The following ZC2HC1A variants were observed in gnomAD, a reference collection of about 807,000 sequenced individuals.
ZC2HC1A encodes the protein zinc finger C2HC-type containing 1A.
In ZC2HC1A, 28 loss-of-function variants were observed where a neutral mutation model predicts 40.7. The ratio of observed to expected loss-of-function variants is 0.69; its 90% confidence interval spans 0.51 to 0.94. ZC2HC1A has a LOEUF of 0.94. Among genes scored for constraint, ZC2HC1A ranks in the 40% least tolerant of loss-of-function variants. ZC2HC1A has a pLI of 0.00. For missense variants in ZC2HC1A, 389 were observed against 386.3 expected, an observed-to-expected ratio of 1.01 and a Z score of -0.06; for synonymous variants, 129 against 129.2, an observed-to-expected ratio of 1.00 and a Z score of 0.01.
At position 78,689,213 on chromosome 8, in the gene ZC2HC1A, C is replaced by T. The variant is rs751907524; in HGVS notation, c.353-9C>T. On this transcript the variant is annotated splice_polypyrimidine_tract_variant and intron_variant, in intron 4 of 8. Transcript: ENST00000263849. The stretch of plus-strand genomic sequence containing the variant: ...GCTATTAATCTGTTTCCGTTTTTAT[C>T]TGTTATAGATTATATTCAATGTCCA... 1.7e-5 allele frequency: 25 copies of T among 1,460,886 alleles called. No homozygotes were observed. In the Middle Eastern group the frequency reaches 7.3e-4, roughly 43 times the overall value. 90.5% of individuals were successfully genotyped at this position (1,460,886 alleles called of 1,614,324 possible).
Position 78,686,508 on chromosome 8 carries a change from T to G in ZC2HC1A, c.252T>G (p.His84Gln). ...PKKPSNWRRKHEEFIATIRAA... is the reference protein window; with the variant it reads ...PKKPSNWRRKQEEFIATIRAA... Reference sequence around the variant, plus strand: ...AACCATCTAATTGGAGAAGGAAACATGAAGAATTCATTGCTACCATAAGAG... The same window carrying G: ...AACCATCTAATTGGAGAAGGAAACAGGAAGAATTCATTGCTACCATAAGAG... The change falls in exon 4 of 9, where the codon CAT (histidine) becomes CAG (glutamine). Residue 84 changes from histidine (H) to glutamine (Q), a missense_variant. Coordinates refer to ENST00000263849, the MANE Select transcript of ZC2HC1A (RefSeq NM_016010.3). 2 of 1,545,928 alleles carry G rather than the reference T, an allele frequency of 1.3e-6. No individual in the cohort carries two copies. Among genetic ancestry groups the G allele is most frequent in the Non-Finnish European group, 1.7e-6 (2 of 1,145,800 alleles).
chr8:78,682,726 C>T (rs1321192653), intron 3 of ZC2HC1A, among the ~76,000 whole-genome samples: 1 of 152,124 alleles, frequency 6.6e-6, no homozygotes, highest in Non-Finnish European at 1.5e-5. Context: ...TCCCAACAGT[C>T]CCCCAAAGTC....
At chr8:78,671,266 A>C (rs982664252) in intron 1 of ZC2HC1A, among the ~76,000 whole-genome samples, 10 of 152,240 alleles carry the variant, frequency 6.6e-5, no homozygotes, top group Admixed American at 5.2e-4. Flanking sequence ...TGCAAAACAT[A>C]AGCAACTCAT....
intron 7 of ZC2HC1A, among the ~76,000 whole-genome samples, chr8:78,702,262 G>A (rs1313417599): frequency 2.0e-5 from 3 of 152,062 alleles, no homozygotes; most frequent in African/African-American, 7.2e-5. Context: ...GTGTATTGAG[G>A]TATTCATAAT....
intron 3 of ZC2HC1A, chr8:78,679,073 G>A (rs1809677163): frequency 6.5e-6 from 1 of 152,888 alleles, no homozygotes; most frequent in East Asian, 1.9e-4. Flanking sequence ...AAAAAGTTAA[G>A]CCATTATTTA....
At chr8:78,698,546 A>G (rs763885302) in intron 7 of ZC2HC1A, 33 bp downstream of exon 7, 1 of 1,432,172 alleles carries the variant, frequency 7.0e-7, no homozygotes, top group Non-Finnish European at 9.6e-7. Flanking sequence ...TATTAGTGGT[A>G]TATAATTAAA....
At chr8:78,689,083 A>G in intron 4 of ZC2HC1A, 139 bp from the exon 5 acceptor site, 1 of 457,290 alleles carries the variant, frequency 2.2e-6, no homozygotes, top group Non-Finnish European at 3.5e-6. Flanking sequence ...AAAACTGGGT[A>G]GTTATAAGGA....
intron 1 of ZC2HC1A, among the ~76,000 whole-genome samples, chr8:78,669,567 C>CAGACT (rs1809385152): frequency 6.7e-6 from 1 of 150,202 alleles, no homozygotes; most frequent in Non-Finnish European, 1.5e-5. Context: ...AGCAGTGGCT[C>CAGACT]AGACTGTAGA....
chr8:78,705,171 C>T (rs1178941362), intron 7 of ZC2HC1A, among the ~76,000 whole-genome samples: 3 of 152,186 alleles, frequency 2.0e-5, no homozygotes, highest in East Asian at 1.9e-4. Context: ...AGAGGTGATG[C>T]GGTCACTTGG....
intron 1 of ZC2HC1A, among the ~76,000 whole-genome samples, chr8:78,674,240 T>C (rs1013860621): frequency 1.3e-5 from 2 of 152,202 alleles, no homozygotes; most frequent in African/African-American, 4.8e-5. Flanking sequence ...CAATAGTTAA[T>C]TTTTATAAGA....
intron 2 of ZC2HC1A, among the ~76,000 whole-genome samples, chr8:78,678,182 C>G (rs372326970): frequency 5.9e-5 from 9 of 152,210 alleles, no homozygotes; most frequent in Non-Finnish European, 1.3e-4. Flanking sequence ...CTTAGAATGC[C>G]TTAACTATCT....
At chr8:78,682,505 C>T (rs576670240) in intron 3 of ZC2HC1A, among the ~76,000 whole-genome samples, 9 of 152,238 alleles carry the variant, frequency 5.9e-5, no homozygotes, top group South Asian at 4.1e-4. Context: ...CATCAGATCT[C>T]GCAAGACTTA....
intron 7 of ZC2HC1A, among the ~76,000 whole-genome samples, chr8:78,708,726 G>A (rs1216030833): frequency 1.3e-5 from 2 of 149,370 alleles, no homozygotes; most frequent in African/African-American, 4.9e-5. Flanking sequence ...TGTTGCCCAG[G>A]CTGGAGTGCA....
intron 3 of ZC2HC1A, 124 bp from the exon 4 acceptor site, chr8:78,686,343 A>G (rs1444918146): frequency 1.2e-6 from 1 of 804,446 alleles, no homozygotes; most frequent in African/African-American, 1.8e-5. Flanking sequence ...TGAGAAGGAT[A>G]TCATTTAAGG....
chr8:78,697,516 G>C lies in ZC2HC1A; in HGVS notation c.604+10G>C. On this transcript the variant is annotated intron_variant, in intron 6 of 8. Transcript: ENST00000263849. Reference sequence around the variant, plus strand: ...GGCAAAACTGTTGTAGGTAATGATAGCCGAAAAGCAACTTGATTTGTTTTT... The same window carrying C: ...GGCAAAACTGTTGTAGGTAATGATACCCGAAAAGCAACTTGATTTGTTTTT... The C allele has an allele frequency of 6.3e-7, 1 of 1,598,854 alleles. No individual in the cohort carries two copies. The highest frequency in any genetic ancestry group is 8.5e-7 in the Non-Finnish European group (1 of 1,173,518).
intron 3 of ZC2HC1A, among the ~76,000 whole-genome samples, 185 bp from the exon 4 acceptor site, chr8:78,686,282 A>G (rs551008086): frequency 4.6e-5 from 7 of 152,298 alleles, no homozygotes; most frequent in African/African-American, 1.7e-4. Flanking sequence ...AAGAAATTGA[A>G]TATAAAATTG....
chr8:78,714,684 C>T (rs1811045056), intron 7 of ZC2HC1A, among the ~76,000 whole-genome samples: 1 of 152,052 alleles, frequency 6.6e-6, no homozygotes, highest in Admixed American at 6.6e-5. Flanking sequence ...TTCGGATAGC[C>T]CAGGCTGTGC....
chr8:78,717,895 G>A lies in ZC2HC1A; in HGVS notation c.*402G>A, dbSNP rs1448663388. 1 of 155,764 alleles carries A rather than the reference G, an allele frequency of 6.4e-6. No individual in the cohort carries two copies. Among genetic ancestry groups the A allele is most frequent in the East Asian group, 1.9e-4 (1 of 5,282 alleles). 9.6% of individuals were successfully genotyped at this position (155,764 alleles called of 1,614,324 possible). On this transcript the variant is annotated 3_prime_UTR_variant, in exon 9 of 9. Coordinates refer to ENST00000263849, the MANE Select transcript of ZC2HC1A (RefSeq NM_016010.3). ...GAGCAAAAAATTTGGATAAACATTT[G>A]TATTATTGGTGCCTATCTTCAGATA...
At chr8:78,690,441 T>A (rs905416049) in intron 5 of ZC2HC1A, among the ~76,000 whole-genome samples, 18 of 151,932 alleles carry the variant, frequency 1.2e-4, no homozygotes, top group African/African-American at 3.9e-4. Context: ...GCGCCTGTAG[T>A]CCCAGCTACT....
Sources: allele counts gnomAD v4.1 joint callset (sites outside exome capture counted in the v4.1 genomes callset), GRCh38; gene constraint gnomAD v4.1.1; transcripts MANE v1.5; gene names NCBI Gene and HGNC (gene_info 2026-07-23, HGNC 2026-07-21).